Variants in YIF1B observed in about 807,000 individuals in gnomAD.
The protein encoded by YIF1B is protein YIF1B.
In YIF1B, 24 loss-of-function variants were observed where a neutral mutation model predicts 34.6. The ratio of observed to expected loss-of-function variants is 0.69; its 90% CI spans 0.50 to 0.98. The LOEUF is 0.98. YIF1B is among the 50% of genes least tolerant of loss of function. YIF1B has a pLI of 0.00. For synonymous variants in YIF1B, 186 were observed against 184.8 expected (o/e 1.01, Z -0.05); for missense variants, 368 against 429.4 (o/e 0.86, Z 1.26).
chr19:38,304,723 C>G lies in YIF1B; in HGVS notation c.*629G>C. On this transcript the variant is annotated 3_prime_UTR_variant, in exon 8 of 8. Coordinates refer to ENST00000339413, the MANE Select transcript of YIF1B (RefSeq NM_001039672.3). ...TCGCCAGCGTCCCCAAGCACGTGCCCTGCACCCCAGAGAGGCGTCCCCGCA... is the reference window on the plus strand; with the variant it reads ...TCGCCAGCGTCCCCAAGCACGTGCCGTGCACCCCAGAGAGGCGTCCCCGCA... The G allele has an allele frequency of 6.2e-7, 1 of 1,613,458 alleles. No individual in the cohort carries two copies. The highest frequency in any genetic ancestry group is 8.5e-7 in the Non-Finnish European group (1 of 1,179,802).
In YIF1B at chr19:38,304,613, C is replaced by A; in HGVS notation, c.*739G>T. On this transcript the variant is annotated 3_prime_UTR_variant, in exon 8 of 8. Transcript: ENST00000339413. The stretch of plus-strand genomic sequence containing the variant: ...TAAGGGGCGCCGCCTCACTGCCGCA[C>A]CTCCATCCAGCAAGGACACCACAGC... The A allele has an allele frequency of 1.2e-6, 2 of 1,613,424 alleles. No individual in the cohort carries two copies. Among genetic ancestry groups the A allele is most frequent in the African/African-American group, 2.7e-5 (2 of 75,054 alleles).
intron 7 of YIF1B, 74 bp downstream of exon 7, chr19:38,307,354 C>T (rs1370225976): frequency 6.6e-7 from 1 of 1,504,380 alleles, no homozygotes; most frequent in Non-Finnish European, 9.2e-7. Flanking sequence ...CCACACCTGA[C>T]ATCCTCTGCT....
chr19:38,320,027 C>T (rs1969628900), upstream of YIF1B: 3 of 1,491,882 alleles, frequency 2.0e-6, no homozygotes, highest in African/African-American at 2.9e-5. Flanking sequence ...CTGTTGGTGG[C>T]GCGGCTGGAG....
At position 38,305,089 on chromosome 19, in the gene YIF1B, G is replaced by T; in HGVS notation, c.*263C>A. The T allele has an allele frequency of 6.7e-7, 1 of 1,493,836 alleles. No individual in the cohort carries two copies. Among genetic ancestry groups the T allele is most frequent in the Non-Finnish European group, 9.0e-7 (1 of 1,116,866 alleles). 92.5% of individuals were successfully genotyped at this position (1,493,836 alleles called of 1,614,324 possible). On this transcript the variant is annotated 3_prime_UTR_variant, in exon 8 of 8. Transcript: ENST00000339413. ...CAGCGCTGGGCCCGCCCATTCGTGC[G>T]CGAGGCCAAGGAGAGGCTGTCCACG...
chr19:38,309,123 C>T, intron 3 of YIF1B, 66 bp from the exon 4 acceptor site: 1 of 1,563,972 alleles, frequency 6.4e-7, no homozygotes, highest in Non-Finnish European at 8.7e-7. Flanking sequence ...TACAGGCCCT[C>T]CTCCCTCGAG....
intron 7 of YIF1B, among the ~76,000 whole-genome samples, chr19:38,306,207 A>C (rs1436581758): frequency 8.7e-6 from 1 of 114,980 alleles, no homozygotes; most frequent in Non-Finnish European, 1.8e-5. Context: ...TGTCTCACAA[A>C]AAAAAAAAAA....
At chr19:38,318,353 A>G (rs1374656817), upstream of YIF1B, among the ~76,000 whole-genome samples, 1 of 151,828 alleles carries the variant, frequency 6.6e-6, no homozygotes, top group Non-Finnish European at 1.5e-5. Context: ...GTGCGACCAT[A>G]ACTCATTGCA....
In YIF1B at chr19:38,305,231, G is replaced by T; in HGVS notation, c.*121C>A. ...GGGGGCGGGGCTGGGCGGGACATGG[G>T]ATGGAGGCGGTGCCTGTGGCCAGAC... On this transcript the variant is annotated 3_prime_UTR_variant, in exon 8 of 8. Transcript: ENST00000339413. The T allele has an allele frequency of 6.9e-7, 1 of 1,454,988 alleles. No homozygotes were observed. The highest frequency in any genetic ancestry group is 1.4e-5 in the South Asian group (1 of 73,366). The allele number at this position is 1,454,988 out of a possible 1,614,324, so 90.1% of individuals were successfully genotyped here.
In YIF1B at chr19:38,308,809, C is replaced by T. The variant is rs768703622; in HGVS notation, c.522G>A (p.Ala174=). 3.7e-6 allele frequency: 6 copies of T among 1,613,800 alleles called. No homozygotes were observed. The African/African-American group carries it at 4.0e-5, about 11-fold the overall frequency. Residue 174 remains alanine (A), a synonymous_variant, in exon 5 of 8, where the codon GCG becomes GCA. Coordinates refer to ENST00000339413, the MANE Select transcript of YIF1B (RefSeq NM_001039672.3). Reference sequence around the variant, plus strand: ...TCCCTTACCTATCCTGGGTCCCCAGCGCAAGACCAGCCACCAAAACGTAGG... The same window carrying T: ...TCCCTTACCTATCCTGGGTCCCCAGTGCAAGACCAGCCACCAAAACGTAGG... ...FITYVLVAGL[A]LGTQDRFSPD...
chr19:38,316,048 C>T (rs1969538530), upstream of YIF1B: 2 of 1,278,472 alleles, frequency 1.6e-6, no homozygotes, highest in Non-Finnish European at 2.0e-6. Flanking sequence ...CCCCCCGACC[C>T]CTCCAGCCCC....
upstream of YIF1B, chr19:38,319,760 C>G (rs760653736): frequency 4.4e-5 from 25 of 572,382 alleles, no homozygotes; most frequent in Non-Finnish European, 7.0e-5. Flanking sequence ...GGCGGTTGGG[C>G]GTGCCTCAGT....
chr19:38,316,246 C>G (rs982458309), upstream of YIF1B, among the ~76,000 whole-genome samples: 1 of 152,180 alleles, frequency 6.6e-6, no homozygotes, highest in African/African-American at 2.4e-5. Flanking sequence ...GGGCTCACGC[C>G]CCTAACTCCA....
In YIF1B at chr19:38,309,467, T is replaced by A; in HGVS notation, c.235A>T (p.Asn79Tyr). 1.9e-6 allele frequency: 3 copies of A among 1,614,026 alleles called. No individual in the cohort carries two copies. Among genetic ancestry groups the A allele is most frequent in the Non-Finnish European group, 2.5e-6 (3 of 1,179,974 alleles). Residue 79 changes from asparagine to tyrosine, a missense_variant, in exon 2 of 8, where the codon AAC becomes TAC. By Grantham distance (143) the Asn-to-Tyr change is moderately radical. This residue lies in a region of YIF1B where 153 missense variants were observed against 156.7 expected (regional missense o/e 0.98). Transcript: ENST00000339413. Reference protein sequence around the residue: ...HAAFLADPVSNMAMAYGSSLA... With the variant: ...HAAFLADPVSYMAMAYGSSLA... ...CTGCTCCCATAGGCCATGGCCATGT[T>A]GGACACCGGGTCAGCCAGGAAGGCT...
Position 38,305,401 on chromosome 19 carries a change from G to C in YIF1B, c.896C>G (p.Ala299Gly). The C allele has an allele frequency of 6.2e-7, 1 of 1,609,128 alleles. No individual in the cohort carries two copies. Among genetic ancestry groups the C allele is most frequent in the Non-Finnish European group, 8.5e-7 (1 of 1,177,364 alleles). Reference protein sequence around the residue: ...LRMYLTMAVAAAQPMLMYWLT... With the variant: ...LRMYLTMAVAGAQPMLMYWLT... Reference sequence around the variant, plus strand: ...CCAGTACATGAGCATAGGCTGCGCCGCCGCCACCGCCATGGTCAGGTACAT... The same window carrying C: ...CCAGTACATGAGCATAGGCTGCGCCCCCGCCACCGCCATGGTCAGGTACAT... Residue 299 changes from alanine to glycine, a missense_variant, in exon 8 of 8, where the codon GCG (alanine) becomes GGG (glycine). Transcript: ENST00000339413.
At chr19:38,313,877 C>T (rs1266604787) in intron 1 of YIF1B, among the ~76,000 whole-genome samples, 1 of 152,272 alleles carries the variant, frequency 6.6e-6, no homozygotes, top group African/African-American at 2.4e-5. Flanking sequence ...CCTCACTCCT[C>T]CCTGTAATGC....
At position 38,305,332 on chromosome 19, in the gene YIF1B, G is replaced by C. The variant is rs751328040; in HGVS notation, c.*20C>G. 15 of 1,594,244 alleles carry C rather than the reference G, an allele frequency of 9.4e-6. No homozygotes were observed. In the African/African-American group the frequency reaches 1.6e-4, roughly 17 times the overall value. On this transcript the variant is annotated 3_prime_UTR_variant, in exon 8 of 8. Transcript: ENST00000339413. The stretch of plus-strand genomic sequence containing the variant: ...GGCCCCCAGCAGCAGCAGCAGCAGC[G>C]GGAGGTTCAGCGGGCGCGCTCACCG...
At chr19:38,316,399 T>G (rs1474083116), upstream of YIF1B, among the ~76,000 whole-genome samples, 1 of 151,850 alleles carries the variant, frequency 6.6e-6, no homozygotes, top group Non-Finnish European at 1.5e-5. Flanking sequence ...TTAACGCCTG[T>G]AATCTCAGCA....
chr19:38,321,418 A>G (rs529190102), upstream of YIF1B, among the ~76,000 whole-genome samples: 1 of 152,216 alleles, frequency 6.6e-6, no homozygotes, highest in South Asian at 2.1e-4. Flanking sequence ...CCCAATAGGG[A>G]CACCACCTGT....
At chr19:38,314,715 G>A (rs966876450) in intron 1 of YIF1B, among the ~76,000 whole-genome samples, 15 of 147,024 alleles carry the variant, frequency 1.0e-4, no homozygotes, top group Non-Finnish European at 2.2e-4. Flanking sequence ...CTGGGTTCAA[G>A]TGATTCTCAA....
Sources: allele counts gnomAD v4.1 joint callset (sites outside exome capture counted in the v4.1 genomes callset), GRCh38; gene constraint gnomAD v4.1.1; regional missense constraint gnomAD v4.1.1; transcripts MANE v1.5; gene names NCBI Gene and HGNC (gene_info 2026-07-23, HGNC 2026-07-21).